ABI3BP: variants seen among roughly 807,000 people sequenced by gnomAD.
The protein encoded by ABI3BP is target of Nesh-SH3.
Under a neutral mutation model 268.6 loss-of-function variants are expected in ABI3BP, and 216 were observed. The ratio of observed to expected loss-of-function variants is 0.80; its 90% CI spans 0.72 to 0.90. The LOEUF (loss-of-function observed/expected upper bound fraction) is 0.90, where lower values mean the gene tolerates loss of function less well. ABI3BP is among the 40% of genes least tolerant of loss of function. The pLI is 0.00. For synonymous variants in ABI3BP, 730 were observed against 730.0 expected (o/e 1.00, Z 0.00); for missense variants, 2,090 against 2,182.4 (o/e 0.96, Z 0.84).
At chr3:100,762,710 A>G (rs770050616) in intron 63 of ABI3BP, among the ~76,000 whole-genome samples, 4 of 152,170 alleles carry the variant, frequency 2.6e-5, no homozygotes, top group Non-Finnish European at 4.4e-5. Flanking sequence ...ATTTTTGCTC[A>G]TTGAATCTCT....
At chr3:100,874,427 C>G (rs1335720419) in intron 9 of ABI3BP, among the ~76,000 whole-genome samples, 2 of 152,016 alleles carry the variant, frequency 1.3e-5, no homozygotes, top group Admixed American at 1.3e-4. Context: ...AACACATAAC[C>G]AGTTCTAGAA....
chr3:100,925,088 G>T (rs990159974), intron 2 of ABI3BP, among the ~76,000 whole-genome samples: 3 of 152,042 alleles, frequency 2.0e-5, no homozygotes, highest in Non-Finnish European at 4.4e-5. Flanking sequence ...AAACTAGTAG[G>T]TTTGCTTTAA....
intron 1 of ABI3BP, among the ~76,000 whole-genome samples, chr3:100,982,502 T>G (rs893245767): frequency 6.6e-6 from 1 of 151,592 alleles, no homozygotes; most frequent in Non-Finnish European, 1.5e-5. Context: ...GCAAAAGTAA[T>G]TGTGGTTTTT....
intron 49 of ABI3BP, among the ~76,000 whole-genome samples, chr3:100,810,032 T>A (rs978515450): frequency 6.6e-6 from 1 of 152,128 alleles, no homozygotes; most frequent in Non-Finnish European, 1.5e-5. Context: ...TTTCTTTTAA[T>A]GTCAAAAGCA....
At chr3:100,839,077 G>C (rs139576863) in intron 24 of ABI3BP, among the ~76,000 whole-genome samples, 2,026 of 152,262 alleles carry the variant, frequency 0.013, 42 homozygotes, top group African/African-American at 0.046. Flanking sequence ...GAACGATCTT[G>C]GTTCCTCTCG....
chr3:100,851,406 C>T (rs1449719758), intron 15 of ABI3BP, among the ~76,000 whole-genome samples: 1 of 152,130 alleles, frequency 6.6e-6, no homozygotes, highest in African/African-American at 2.4e-5. Flanking sequence ...TGCCTGTGTA[C>T]TGCAGGGGTT....
At chr3:100,970,253 A>G (rs1180982975) in intron 1 of ABI3BP, among the ~76,000 whole-genome samples, 1 of 152,250 alleles carries the variant, frequency 6.6e-6, no homozygotes, top group Admixed American at 6.5e-5. Context: ...AGCAGAAATT[A>G]GGCTTCGTAC....
intron 10 of ABI3BP, 83 bp from the exon 11 acceptor site, chr3:100,864,990 G>T: frequency 9.7e-7 from 1 of 1,029,260 alleles, no homozygotes; most frequent in South Asian, 1.5e-5. Context: ...TTGCCTTTTA[G>T]AATTAGTGGC....
At chr3:100,769,656 C>T (rs188552758) in intron 62 of ABI3BP, among the ~76,000 whole-genome samples, 1 of 152,246 alleles carries the variant, frequency 6.6e-6, no homozygotes, top group Non-Finnish European at 1.5e-5. Context: ...GAGTTTTAGA[C>T]ATTTTAATGG....
At position 100,843,631 on chromosome 3, in the gene ABI3BP, G is replaced by C. The variant is rs557466830; in HGVS notation, c.1724-1592C>G. 1,070 of 984,194 alleles carry C rather than the reference G, an allele frequency of 1.1e-3. 1 individual carries two copies. The highest frequency in any genetic ancestry group is 1.2e-3 in the Non-Finnish European group (1,029 of 829,044). The allele number at this position is 984,194 out of a possible 1,614,324, so 61.0% of individuals were successfully genotyped here. A position where few individuals can be genotyped will look rare whatever the true frequency, so the allele number is the denominator to read the frequency against. Reference sequence around the variant, plus strand: ...GAGAGGAGAGTATGCATGTGAGAGAGAGTGTGTGAGAAAGAGAAAGGGAAT... The same window carrying C: ...GAGAGGAGAGTATGCATGTGAGAGACAGTGTGTGAGAAAGAGAAAGGGAAT... On this transcript the variant is annotated intron_variant, in intron 20 of 67. Coordinates refer to ENST00000471714, the MANE Select transcript of ABI3BP (RefSeq NM_001375547.2).
chr3:100,859,570 T>C (rs2098974618), intron 14 of ABI3BP, among the ~76,000 whole-genome samples: 1 of 150,584 alleles, frequency 6.6e-6, no homozygotes, highest in Non-Finnish European at 1.5e-5. Flanking sequence ...AAATAGAACA[T>C]TAGTACACAT....
chr3:100,942,500 C>A (rs1280871860), intron 1 of ABI3BP, among the ~76,000 whole-genome samples: 1 of 152,048 alleles, frequency 6.6e-6, no homozygotes, highest in Non-Finnish European at 1.5e-5. Flanking sequence ...TTTTTTAATA[C>A]ATAGAAAAGT....
intron 1 of ABI3BP, among the ~76,000 whole-genome samples, chr3:100,977,491 G>A (rs116648132): frequency 3.9e-5 from 6 of 152,230 alleles, no homozygotes; most frequent in Admixed American, 1.3e-4. Flanking sequence ...GGCTCACTCC[G>A]ATGGCTAGCA....
At chr3:100,972,170 A>C (rs982445022) in intron 1 of ABI3BP, among the ~76,000 whole-genome samples, 12 of 152,216 alleles carry the variant, frequency 7.9e-5, no homozygotes, top group Admixed American at 7.9e-4. Flanking sequence ...CATCTGCATT[A>C]TATTTTAGAA....
intron 45 of ABI3BP, among the ~76,000 whole-genome samples, chr3:100,812,983 C>T (rs148839364): frequency 0.014 from 2,159 of 152,154 alleles, 15 homozygotes; most frequent in Middle Eastern, 0.027. Context: ...TGGGCTCAAG[C>T]GATCCTCCTA....
chr3:100,898,819 C>A lies in ABI3BP; in HGVS notation c.404G>T (p.Gly135Val). The part of the protein sequence containing the change: ...LTPSSVFLSW[G>V]FLINPHHDWT... ...GTCATGGTGTGGGTTGATGAGGAAACCCCAGGACAGGAAGACCGAGCTCGG... is the reference window on the plus strand; with the variant it reads ...GTCATGGTGTGGGTTGATGAGGAAAACCCAGGACAGGAAGACCGAGCTCGG... Residue 135 changes from glycine (G) to valine (V), a missense_variant, in exon 4 of 68, where the codon GGT becomes GTT. Gly to Val is a moderately radical substitution (Grantham distance 109). Coordinates refer to ENST00000471714, the MANE Select transcript of ABI3BP (RefSeq NM_001375547.2). 1 of 1,613,664 alleles carries A rather than the reference C, an allele frequency of 6.2e-7. No homozygotes were observed. The highest frequency in any genetic ancestry group is 8.5e-7 in the Non-Finnish European group (1 of 1,179,754).
At chr3:100,812,397 A>G in intron 46 of ABI3BP, 70 bp downstream of exon 46, 1 of 1,050,544 alleles carries the variant, frequency 9.5e-7, no homozygotes, top group East Asian at 3.1e-5. Flanking sequence ...GCATGAGGAC[A>G]TCCAGAGATG....
chr3:100,859,773 A>AT (rs1429273269), intron 14 of ABI3BP, among the ~76,000 whole-genome samples: 1 of 152,178 alleles, frequency 6.6e-6, no homozygotes, highest in Non-Finnish European at 1.5e-5. Context: ...ATACTTAACT[A>AT]CCCACTTTGA....
intron 63 of ABI3BP, among the ~76,000 whole-genome samples, chr3:100,760,842 CAG>C (rs1380744085): frequency 6.6e-6 from 1 of 151,990 alleles, no homozygotes; most frequent in Non-Finnish European, 1.5e-5. Context: ...AGGAGACACA[CAG>C]AGGATTGGTG....
Sources: gnomAD v4.1 joint callset for allele counts (sites outside exome capture counted in the v4.1 genomes callset) on GRCh38, gnomAD v4.1.1 for gene constraint, MANE v1.5 for transcripts, NCBI Gene and HGNC (gene_info 2026-07-23, HGNC 2026-07-21) for gene names.